CCDC146: variants seen among roughly 807,000 people sequenced by gnomAD.
CCDC146 encodes the protein coiled-coil domain-containing protein 146.
CCDC146 carries 92 observed loss-of-function variants against 119.3 expected under a neutral mutation model. The observed-to-expected ratio is 0.77, with a 90% CI of 0.65 to 0.92. CCDC146 has a LOEUF of 0.92. Ranked by LOEUF, CCDC146 falls within the 40% of genes least tolerant of loss-of-function variation. The pLI, the probability that CCDC146 is intolerant of heterozygous loss-of-function variation, is 0.00. For synonymous variants in CCDC146, 372 were observed against 371.8 expected (o/e 1.00, Z -0.01); for missense variants, 1,000 against 1,103.0 (o/e 0.91, Z 1.32).
chr7:77,146,350 A>C (rs1283654082), intron 1 of CCDC146, among the ~76,000 whole-genome samples: 1 of 151,958 alleles, frequency 6.6e-6, no homozygotes, highest in South Asian at 2.1e-4. Flanking sequence ...CACACCGATG[A>C]GTCTTGACTC....
At chr7:77,201,618 C>G (rs965668184) in intron 2 of CCDC146, among the ~76,000 whole-genome samples, 1 of 151,392 alleles carries the variant, frequency 6.6e-6, no homozygotes, top group African/African-American at 2.4e-5. Context: ...AAAAAAAATG[C>G]AGTGTATAAA....
At chr7:77,182,850 C>T (rs974088384) in intron 2 of CCDC146, among the ~76,000 whole-genome samples, 1 of 151,980 alleles carries the variant, frequency 6.6e-6, no homozygotes, top group Non-Finnish European at 1.5e-5. Context: ...AAAGTGAAGG[C>T]TCCTTGTTCT....
intron 1 of CCDC146, among the ~76,000 whole-genome samples, chr7:77,167,434 G>A (rs1268439685): frequency 6.6e-6 from 1 of 151,886 alleles, no homozygotes; most frequent in Non-Finnish European, 1.5e-5. Context: ...TGCAACAGTA[G>A]CATACTTTTA....
intron 1 of CCDC146, among the ~76,000 whole-genome samples, chr7:77,160,485 G>C (rs71217120): frequency 6.6e-6 from 1 of 151,810 alleles, no homozygotes; most frequent in African/African-American, 2.4e-5. Context: ...GGTCCTTCAC[G>C]TCCCTTGTAA....
intron 2 of CCDC146, among the ~76,000 whole-genome samples, chr7:77,180,379 T>C (rs983674470): frequency 6.6e-6 from 1 of 152,172 alleles, no homozygotes; most frequent in Non-Finnish European, 1.5e-5. Context: ...TCTGCTATTA[T>C]GATAGGCATG....
At chr7:77,163,851 CTTTTTTTTCT>C (rs1791300378) in intron 1 of CCDC146, among the ~76,000 whole-genome samples, 1 of 140,904 alleles carries the variant, frequency 7.1e-6, no homozygotes, top group Non-Finnish European at 1.5e-5. Flanking sequence ...TTCTTTCTTT[CTTTTTTTTCT>C]TTTTTTTTTT....
chr7:77,180,470 A>C (rs989661464), intron 2 of CCDC146, among the ~76,000 whole-genome samples: 4 of 152,206 alleles, frequency 2.6e-5, no homozygotes, highest in Non-Finnish European at 1.5e-5. Flanking sequence ...AGGGTAAGGC[A>C]GGCAGATTGC....
Position 77,196,555 on chromosome 7 carries a change from A to G in CCDC146, c.156+28731A>G. On this transcript the variant is annotated intron_variant, in intron 2 of 18. Transcript: ENST00000285871. This position sits in a 1 kb window ranked among gnomAD's most constrained non-coding sequence, Gnocchi z 4.2. ...TGAAAAACTTCAGATCGTGGTTGTA[A>G]TGTTTGTTGAAACGTAATGCATCTC... is the stretch of plus-strand genomic sequence containing the variant. 1 of 1,614,162 alleles carries G rather than the reference A, an allele frequency of 6.2e-7. No homozygotes were observed. The highest frequency in any genetic ancestry group is 8.5e-7 in the Non-Finnish European group (1 of 1,180,020).
intron 2 of CCDC146, among the ~76,000 whole-genome samples, chr7:77,187,344 A>G (rs1214074789): frequency 6.6e-6 from 1 of 152,206 alleles, no homozygotes; most frequent in African/African-American, 2.4e-5. Flanking sequence ...GTTTTCTTAA[A>G]GCCTTAGTTT....
chr7:77,295,022 C>T lies in CCDC146; in HGVS notation c.*156C>T. 1 of 619,524 alleles carries T rather than the reference C, an allele frequency of 1.6e-6. No individual in the cohort carries two copies. Among genetic ancestry groups the T allele is most frequent in the Non-Finnish European group, 2.8e-6 (1 of 354,592 alleles). 38.4% of individuals were successfully genotyped at this position (619,524 alleles called of 1,614,324 possible). On this transcript the variant is annotated 3_prime_UTR_variant, in exon 19 of 19. Transcript: ENST00000285871. ...AGAGTACAACAGGGTTTCTATTTACCCACCAACTACTATACCTTTCATGAC... is the reference window on the plus strand; with the variant it reads ...AGAGTACAACAGGGTTTCTATTTACTCACCAACTACTATACCTTTCATGAC...
intron 2 of CCDC146, among the ~76,000 whole-genome samples, chr7:77,173,403 C>T (rs1243105007): frequency 4.6e-5 from 7 of 152,006 alleles, no homozygotes; most frequent in African/African-American, 1.2e-4. Flanking sequence ...CTGAGGTGAG[C>T]GGATCACCTG....
intron 11 of CCDC146, among the ~76,000 whole-genome samples, chr7:77,274,974 A>G (rs1195895982): frequency 6.7e-6 from 1 of 149,146 alleles, no homozygotes; most frequent in Non-Finnish European, 1.5e-5. Context: ...ACATGTATAC[A>G]TACGTAACTA....
rs564659141 is a variant in CCDC146, at chr7:77,218,240, C to A, written c.157-18707C>A. On this transcript the variant is annotated intron_variant, in intron 2 of 18. Coordinates refer to ENST00000285871, the MANE Select transcript of CCDC146 (RefSeq NM_020879.3). ...GTAGGTATGTGTGTATATTTATATA[C>A]CTATATATGAATTATAACCTTTGTA... Among the ~76,000 whole-genome samples the A allele has an allele frequency of 2.0e-5, 3 of 151,342 alleles. No homozygotes were observed. In the South Asian group the frequency reaches 6.3e-4, roughly 32 times the overall value.
intron 1 of CCDC146, among the ~76,000 whole-genome samples, chr7:77,146,414 A>G (rs1290580271): frequency 6.6e-6 from 1 of 152,078 alleles, no homozygotes; most frequent in Non-Finnish European, 1.5e-5. Flanking sequence ...GCCCATAACA[A>G]GCTTAATATT....
chr7:77,154,745 A>G (rs2117452875), intron 1 of CCDC146, among the ~76,000 whole-genome samples: 1 of 152,294 alleles, frequency 6.6e-6, no homozygotes, highest in Admixed American at 6.5e-5. Flanking sequence ...GCTATTGTGA[A>G]TAGTGCCGCA....
At chr7:77,168,876 A>C (rs1476450814) in intron 2 of CCDC146, among the ~76,000 whole-genome samples, 1 of 151,960 alleles carries the variant, frequency 6.6e-6, no homozygotes, top group East Asian at 1.9e-4. Flanking sequence ...GCCCCTTTAT[A>C]CCTAAATGCA....
chr7:77,287,094 A>C (rs1793862124), intron 16 of CCDC146, 168 bp downstream of exon 16: 1 of 788,136 alleles, frequency 1.3e-6, no homozygotes, highest in Non-Finnish European at 2.0e-6. Context: ...CTTGATTTAG[A>C]CACTTGCCAA....
Position 77,294,860 on chromosome 7 carries a change from A to T in CCDC146, c.2862A>T (p.Glu954Asp). 1 of 1,613,396 alleles carries T rather than the reference A, an allele frequency of 6.2e-7. No individual in the cohort carries two copies. Among genetic ancestry groups the T allele is most frequent in the Non-Finnish European group, 8.5e-7 (1 of 1,179,846 alleles). ...GGAAACCTGTTATAAAGCCAGTTGA[A>T]ATCTGAATATGTGAACAAATCCAGG... is the stretch of plus-strand genomic sequence containing the variant. ...HIRKPVIKPV[E>D]I The change falls in exon 19 of 19, where the codon GAA (glutamate) becomes GAT (aspartate). Residue 954 changes from glutamate to aspartate, a missense_variant. Coordinates refer to ENST00000285871, the MANE Select transcript of CCDC146 (RefSeq NM_020879.3).
intron 1 of CCDC146, among the ~76,000 whole-genome samples, chr7:77,134,563 C>CTGTGTGTGTGTGTGTG (rs1554345524): frequency 7.2e-6 from 1 of 139,310 alleles, no homozygotes; most frequent in Admixed American, 7.0e-5. Context: ...GTGTGTGTGT[C>CTGTGTGTGTGTGTGTG]TGTGTGTGTG....
Sources: gnomAD v4.1 joint callset for allele counts (sites outside exome capture counted in the v4.1 genomes callset) on GRCh38, gnomAD v4.1.1 for gene constraint, Gnocchi (gnomAD v3.1) non-coding constraint, MANE v1.5 for transcripts, NCBI Gene and HGNC (gene_info 2026-07-23, HGNC 2026-07-21) for gene names.